Variants in KDM8 observed in about 807,000 individuals in gnomAD.
KDM8 encodes the protein lysine demethylase 8.
A neutral mutation model predicts 46.9 loss-of-function variants in KDM8; 35 were observed. The observed-to-expected ratio is 0.75, with a 90% CI of 0.57 to 0.99. KDM8 has a LOEUF of 0.99. Among genes scored for constraint, KDM8 ranks in the 50% least tolerant of loss-of-function variants. The pLI is 0.00. For missense variants in KDM8, 475 were observed against 537.0 expected (o/e 0.88, Z 1.14); for synonymous variants, 232 against 227.7 (o/e 1.02, Z -0.17).
At chr16:27,219,862 G>A (rs2083598165) in intron 6 of KDM8, among the ~76,000 whole-genome samples, 1 of 152,220 alleles carries the variant, frequency 6.6e-6, no homozygotes, top group South Asian at 2.1e-4. Context: ...GCACAGACAA[G>A]CGCCTAATAA....
At chr16:27,211,474 A>C in intron 2 of KDM8, 1 of 258,158 alleles carries the variant, frequency 3.9e-6, no homozygotes, top group Non-Finnish European at 7.8e-6. Flanking sequence ...TGGTGCCAAC[A>C]CACAGGCCTC....
In KDM8 at chr16:27,220,440, G is replaced by A; in HGVS notation, c.1041G>A (p.Gly347=). The change falls in exon 7 of 8, where the codon GGG becomes GGA. Residue 347 remains glycine, a synonymous_variant. Transcript: ENST00000286096. ...GGCTGTATTCCCCGCAGGAGTCAGGGGCTCTGTACCCTCATGACACGCACC... is the reference window on the plus strand; with the variant it reads ...GGCTGTATTCCCCGCAGGAGTCAGGAGCTCTGTACCCTCATGACACGCACC... ...YIRLYSPQES[G]ALYPHDTHLL... is the part of the protein sequence containing the mutation. 8 of 1,614,112 alleles carry A rather than the reference G, an allele frequency of 5.0e-6. No homozygotes were observed. Among genetic ancestry groups the A allele is most frequent in the South Asian group, 2.2e-5 (2 of 91,066 alleles).
At chr16:27,211,788 C>T (rs941268869) in intron 2 of KDM8, 2 of 152,192 alleles carry the variant, frequency 1.3e-5, no homozygotes, top group African/African-American at 2.4e-5. Context: ...AAATGATTCT[C>T]CTGCCTCAGT....
At chr16:27,209,406 T>C (rs946579010) in intron 1 of KDM8, among the ~76,000 whole-genome samples, 2 of 152,244 alleles carry the variant, frequency 1.3e-5, no homozygotes, top group African/African-American at 4.8e-5. Flanking sequence ...TTTGTATTTT[T>C]TGTAGAGACG....
rs767759255 is a variant in KDM8 at position 27,216,079 on chromosome 16, G to C, written c.843+90G>C. 5.1e-6 allele frequency: 7 copies of C among 1,375,512 alleles called. No homozygotes were observed. In the East Asian group the frequency reaches 1.6e-4, roughly 32 times the overall value. The allele number at this position is 1,375,512 out of a possible 1,614,324, so 85.2% of individuals were successfully genotyped here. A position where few individuals can be genotyped will look rare whatever the true frequency, so the allele number is the denominator to read the frequency against. On this transcript the variant is annotated intron_variant, in intron 5 of 7. Transcript: ENST00000286096. ...GCTCAGTGCGGCTGGAGCAGTGAGC[G>C]TGAGTAGGAGGGAGGCAGCAGGTGA...
In KDM8 at chr16:27,213,666, C is replaced by T; in HGVS notation, c.580C>T (p.His194Tyr). Residue 194 changes from histidine to tyrosine, a missense_variant, in exon 3 of 8, where the codon CAT becomes TAT. Transcript: ENST00000286096. ...CCGGCTGCACCGTCCGTCCCTCCAG[C>T]ATTTCAGGGAGCAGTTTTTGGTTCC... is the stretch of plus-strand genomic sequence containing the variant. ...VPRLHRPSLQ[H>Y]FREQFLVPGR... The T allele has an allele frequency of 6.2e-7, 1 of 1,614,198 alleles. No homozygotes were observed. Among genetic ancestry groups the T allele is most frequent in the South Asian group, 1.1e-5 (1 of 91,086 alleles).
intron 1 of KDM8, chr16:27,204,004 T>C (rs940089499): frequency 1.1e-5 from 12 of 1,110,092 alleles, no homozygotes; most frequent in African/African-American, 6.3e-5. Flanking sequence ...TATACTCTGC[T>C]ATATGTGTGT....
intron 4 of KDM8, among the ~76,000 whole-genome samples, chr16:27,215,332 C>A (rs968807216): frequency 1.1e-4 from 17 of 152,176 alleles, no homozygotes; most frequent in Non-Finnish European, 2.5e-4. Flanking sequence ...GTAATCCCAG[C>A]ACTTTGGGAG....
At chr16:27,213,848 C>T (rs2083515642) in intron 3 of KDM8, 97 bp downstream of exon 3, 1 of 1,189,506 alleles carries the variant, frequency 8.4e-7, no homozygotes, top group Non-Finnish European at 1.2e-6. Flanking sequence ...GAAATGCAAC[C>T]TTGTAGATGC....
chr16:27,210,551 C>A lies in KDM8; in HGVS notation c.428C>A (p.Ala143Asp), dbSNP rs1596646106. 6.5e-7 allele frequency: 1 copy of A among 1,534,040 alleles called. No individual in the cohort carries two copies. Among genetic ancestry groups the A allele is most frequent in the Non-Finnish European group, 8.8e-7 (1 of 1,139,496 alleles). Residue 143 changes from alanine (A) to aspartate (D), a missense_variant, in exon 2 of 8, where the codon GCC becomes GAC. Transcript: ENST00000286096. ...ILGDILLKVA[A>D]ILQTHLPGKR... ...GGGGACATCCTTCTTAAAGTCGCTGCCATCCTCCAGACACACCTCCCTGGA... is the reference window on the plus strand; with the variant it reads ...GGGGACATCCTTCTTAAAGTCGCTGACATCCTCCAGACACACCTCCCTGGA...
At chr16:27,219,153 G>GC (rs2140976537) in intron 6 of KDM8, 43 bp downstream of exon 6, 2 of 1,551,386 alleles carry the variant, frequency 1.3e-6, no homozygotes, top group South Asian at 1.2e-5. Flanking sequence ...ACTCCTCCTG[G>GC]CCCAGACACC....
intron 1 of KDM8, chr16:27,203,864 G>C (rs1174324508): frequency 2.3e-5 from 10 of 440,194 alleles, no homozygotes; most frequent in Non-Finnish European, 4.1e-5. Context: ...AAGGTTCCGC[G>C]CGTGCGTATG....
chr16:27,208,677 C>T (rs957875333), intron 1 of KDM8, among the ~76,000 whole-genome samples: 3 of 150,776 alleles, frequency 2.0e-5, no homozygotes, highest in African/African-American at 7.3e-5. Flanking sequence ...TCATGTAAGC[C>T]ACACACGGGA....
At position 27,211,086 on chromosome 16, in the gene KDM8, A is replaced by G. The variant is rs911384414; in HGVS notation, c.498+465A>G. ...GAGCCACCGTGCTCAGCCCCCATTGACTTTGGAAATGGAACAGCTCCATTC... is the reference window on the plus strand; with the variant it reads ...GAGCCACCGTGCTCAGCCCCCATTGGCTTTGGAAATGGAACAGCTCCATTC... On this transcript the variant is annotated intron_variant, in intron 2 of 7. Coordinates refer to ENST00000286096, the MANE Select transcript of KDM8 (RefSeq NM_024773.3). 113 of 450,228 alleles carry G rather than the reference A, an allele frequency of 2.5e-4. 1 individual carries two copies. Among genetic ancestry groups the G allele is most frequent in the South Asian group, 1.5e-3 (96 of 63,610 alleles). The allele number at this position is 450,228 out of a possible 1,614,324, so 27.9% of individuals were successfully genotyped here. A position where few individuals can be genotyped will look rare whatever the true frequency, so the allele number is the denominator to read the frequency against.
At chr16:27,212,381 T>C (rs1392845294) in intron 2 of KDM8, among the ~76,000 whole-genome samples, 1 of 151,956 alleles carries the variant, frequency 6.6e-6, no homozygotes, top group Non-Finnish European at 1.5e-5. Context: ...TTTTGTTTCA[T>C]TTTTTTTACA....
chr16:27,219,194 CG>C, intron 6 of KDM8, 84 bp downstream of exon 6: 1 of 1,368,866 alleles, frequency 7.3e-7, no homozygotes, highest in Non-Finnish European at 9.8e-7. Context: ...CTTTAAACAC[CG>C]GGCTCTTAAA....
rs756169452 is a variant in KDM8, at chr16:27,220,567, T to C, written c.1088T>C (p.Val363Ala). 16 of 1,614,066 alleles carry C rather than the reference T, an allele frequency of 9.9e-6. No homozygotes were observed. Among genetic ancestry groups the C allele is most frequent in the East Asian group, 4.5e-5 (2 of 44,900 alleles). Residue 363 changes from valine (V) to alanine (A), a missense_variant and splice_region_variant, in exon 8 of 8, where the codon GTT becomes GCT. Coordinates refer to ENST00000286096, the MANE Select transcript of KDM8 (RefSeq NM_024773.3). ...GATGACGTCCTTTGCTTTCTTCAGGTTGACGTGGAGAATCCCGACCTGGAA... is the reference window on the plus strand; with the variant it reads ...GATGACGTCCTTTGCTTTCTTCAGGCTGACGTGGAGAATCCCGACCTGGAA... ...DTHLLHNTSQVDVENPDLEKF... is the reference protein window; with the variant it reads ...DTHLLHNTSQADVENPDLEKF...
chr16:27,207,067 C>T (rs2083435792), intron 1 of KDM8, among the ~76,000 whole-genome samples: 1 of 152,232 alleles, frequency 6.6e-6, no homozygotes. Flanking sequence ...TCTGACTTCA[C>T]CTGGTCCTCA....
chr16:27,204,720 G>A (rs1179651652), intron 1 of KDM8, among the ~76,000 whole-genome samples: 1 of 152,160 alleles, frequency 6.6e-6, no homozygotes, highest in Admixed American at 6.5e-5. Flanking sequence ...CTTTAGAGGA[G>A]TTGATGTTTA....
Sources: allele counts gnomAD v4.1 joint callset (sites outside exome capture counted in the v4.1 genomes callset), GRCh38; gene constraint gnomAD v4.1.1; transcripts MANE v1.5; gene names NCBI Gene and HGNC (gene_info 2026-07-23, HGNC 2026-07-21).